Variants in RAB27B observed in about 807,000 individuals in gnomAD.
RAB27B encodes the protein RAB27B, member RAS oncogene family, also known as ras-related protein Rab-27B.
In RAB27B, 15 loss-of-function variants were observed where a neutral mutation model predicts 24.6. That is an observed-to-expected ratio of 0.61 (90% CI 0.41 to 0.94). The LOEUF (loss-of-function observed/expected upper bound fraction) is 0.94, where lower values mean the gene tolerates loss of function less well. Ranked by LOEUF, RAB27B falls within the 40% of genes least tolerant of loss-of-function variation. The probability of loss-of-function intolerance (pLI) is 0.00; values close to 1 mark genes in which losing one functional copy is unlikely to be tolerated. For missense variants in RAB27B, 261 were observed against 266.8 expected (o/e 0.98, Z 0.15); for synonymous variants, 105 against 92.5 (o/e 1.14, Z -0.78).
intron 1 of RAB27B, among the ~76,000 whole-genome samples, chr18:54,844,494 C>T (rs1016666664): frequency 2.0e-5 from 3 of 150,584 alleles, no homozygotes; most frequent in African/African-American, 7.4e-5. Context: ...AAAAACTCCA[C>T]CTCCCGGTTT....
At chr18:54,813,336 G>T (rs1482329414) in intron 2 of RAB27B, among the ~76,000 whole-genome samples, 2 of 152,142 alleles carry the variant, frequency 1.3e-5, no homozygotes, top group Admixed American at 6.6e-5. Context: ...TCTCCACAAG[G>T]GATTTGATAT....
At chr18:54,810,418 A>G (rs1462444290) in intron 2 of RAB27B, among the ~76,000 whole-genome samples, 2 of 152,198 alleles carry the variant, frequency 1.3e-5, no homozygotes, top group Non-Finnish European at 2.9e-5. Flanking sequence ...TACATAAAAG[A>G]GTAAACAAAA....
At chr18:54,787,725 G>A (rs1278640974) in intron 2 of RAB27B, among the ~76,000 whole-genome samples, 1 of 148,936 alleles carries the variant, frequency 6.7e-6, no homozygotes, top group Non-Finnish European at 1.5e-5. Context: ...ACACTGACTG[G>A]ATTAAAAAAA....
chr18:54,751,355 G>T (rs1157040619), intron 2 of RAB27B, among the ~76,000 whole-genome samples: 1 of 152,170 alleles, frequency 6.6e-6, no homozygotes, highest in African/African-American at 2.4e-5. Context: ...GATGGAGGCA[G>T]TGCTAGTGAC....
At position 54,850,357 on chromosome 18, in the gene RAB27B, T is replaced by TATATAC. The variant is rs1264669719; in HGVS notation, c.-20+21660_-20+21661insTACATA. ...GGATATATATATATATATATATATA[T>TATATAC]ATACATACATACATATGTTTAGTTT... is the stretch of plus-strand genomic sequence containing the variant. On this transcript the variant is annotated intron_variant, in intron 1 of 5. Coordinates refer to ENST00000262094, the MANE Select transcript of RAB27B (RefSeq NM_004163.4). 6.9e-5 allele frequency among the ~76,000 whole-genome samples: 9 copies of TATATAC among 130,578 alleles called. 1 individual carries two copies. Among genetic ancestry groups the TATATAC allele is most frequent in the Admixed American group, 5.4e-4 (7 of 13,074 alleles). The allele number at this position is 130,578 out of a possible 152,430, so 85.7% of individuals were successfully genotyped here.
chr18:54,861,484 T>C (rs960121557), intron 1 of RAB27B, among the ~76,000 whole-genome samples: 14 of 152,284 alleles, frequency 9.2e-5, no homozygotes, highest in South Asian at 8.3e-4. Context: ...GTTTAGCCCA[T>C]TGAATCAGGC....
At position 54,754,188 on chromosome 18, in the gene RAB27B, C is replaced by G. The variant is rs569206249; in HGVS notation, c.-20+36047C>G. Among the ~76,000 whole-genome samples the G allele has an allele frequency of 7.8e-4, 119 of 152,226 alleles. No homozygotes were observed. In the South Asian group the frequency reaches 9.3e-3, roughly 12 times the overall value. On this transcript the variant is annotated intron_variant, in intron 2 of 4. Coordinates refer to the RAB27B transcript ENST00000586570. ...CCCACGCTGTTCTCGTGATAGGGAGCGAGTTCTCATGAGATCTGGTGGTTT... is the reference window on the plus strand; with the variant it reads ...CCCACGCTGTTCTCGTGATAGGGAGGGAGTTCTCATGAGATCTGGTGGTTT...
intron 2 of RAB27B, among the ~76,000 whole-genome samples, chr18:54,736,376 T>C (rs1474303388): frequency 6.6e-6 from 1 of 152,178 alleles, no homozygotes; most frequent in East Asian, 1.9e-4. Context: ...TAGTTAACTT[T>C]ATAATAAAGA....
At chr18:54,751,981 G>A (rs868773756) in intron 2 of RAB27B, among the ~76,000 whole-genome samples, 21 of 152,206 alleles carry the variant, frequency 1.4e-4, no homozygotes, top group African/African-American at 4.3e-4. Flanking sequence ...CTCAGTGGCC[G>A]CAACAGGCTC....
chr18:54,815,730 G>A (rs1943745759), intron 2 of RAB27B, among the ~76,000 whole-genome samples: 1 of 152,078 alleles, frequency 6.6e-6, no homozygotes, highest in South Asian at 2.1e-4. Context: ...AATTCATCAT[G>A]GTATTTACTA....
chr18:54,804,867 T>TAC (rs201891260), intron 2 of RAB27B, among the ~76,000 whole-genome samples: 1 of 130,800 alleles, frequency 7.6e-6, no homozygotes. Context: ...CTTCCTTTCT[T>TAC]TTTTTCTTTT....
intron 2 of RAB27B, among the ~76,000 whole-genome samples, chr18:54,783,694 A>AG (rs1908989908): frequency 6.6e-6 from 1 of 152,216 alleles, no homozygotes; most frequent in Non-Finnish European, 1.5e-5. Flanking sequence ...AGAAATGACC[A>AG]GGAAGCAGAC....
At chr18:54,865,946 A>C (rs72627228) in intron 1 of RAB27B, among the ~76,000 whole-genome samples, 7,572 of 152,288 alleles carry the variant, frequency 0.05, 278 homozygotes, top group East Asian at 0.19. Context: ...AGGATATCAG[A>C]TTTGAAATAG....
Position 54,723,935 on chromosome 18 carries a change from T to C in RAB27B, c.-20+5794T>C, listed in dbSNP as rs568467367. ...CATGAAATATAAATATATTTTTTCATGTAAATATTTATTTGCAAAGACGAG... is the reference window on the plus strand; with the variant it reads ...CATGAAATATAAATATATTTTTTCACGTAAATATTTATTTGCAAAGACGAG... On this transcript the variant is annotated intron_variant, in intron 2 of 4. Transcript: ENST00000586570. Among the ~76,000 whole-genome samples the C allele has an allele frequency of 2.0e-5, 3 of 152,364 alleles. No individual in the cohort carries two copies. The East Asian group carries it at 5.8e-4, about 29-fold the overall frequency.
intron 3 of RAB27B, chr18:54,879,722 A>C: frequency 3.2e-6 from 1 of 309,090 alleles, no homozygotes; most frequent in Non-Finnish European, 6.0e-6. Context: ...TCTTAGAAGG[A>C]AAAAAAGGTT....
intron 2 of RAB27B, among the ~76,000 whole-genome samples, chr18:54,820,071 G>A (rs894148858): frequency 6.6e-6 from 1 of 151,988 alleles, no homozygotes; most frequent in African/African-American, 2.4e-5. Flanking sequence ...ATAGTGCTGC[G>A]ATAAACATAC....
intron 2 of RAB27B, among the ~76,000 whole-genome samples, chr18:54,746,760 C>G (rs1910261755): frequency 6.6e-6 from 1 of 152,116 alleles, no homozygotes; most frequent in South Asian, 2.1e-4. Flanking sequence ...GAAACACAAT[C>G]AGTATATGTA....
chr18:54,834,793 A>C (rs144205654), intron 1 of RAB27B, among the ~76,000 whole-genome samples: 1 of 150,190 alleles, frequency 6.7e-6, no homozygotes, highest in East Asian at 1.9e-4. Flanking sequence ...AAAGCATAAG[A>C]CTTTATTTTA....
chr18:54,809,305 C>T (rs1909890902), intron 2 of RAB27B, among the ~76,000 whole-genome samples: 1 of 152,184 alleles, frequency 6.6e-6, no homozygotes, highest in Admixed American at 6.5e-5. Context: ...GTTTGTCGAT[C>T]TGGTTGCTTC....
Sources: gnomAD v4.1 joint callset for allele counts (sites outside exome capture counted in the v4.1 genomes callset) on GRCh38, gnomAD v4.1.1 for gene constraint, MANE v1.5 for transcripts, NCBI Gene and HGNC (gene_info 2026-07-23, HGNC 2026-07-21) for gene names.